ARHGAP15: variants seen among roughly 807,000 people sequenced by gnomAD.
ARHGAP15 encodes Rho GTPase activating protein 15.
A neutral mutation model predicts 63.7 loss-of-function variants in ARHGAP15; 51 were observed. The ratio of observed to expected loss-of-function variants is 0.80; its 90% CI spans 0.64 to 1.01. The LOEUF (loss-of-function observed/expected upper bound fraction) is 1.01, where lower values mean the gene tolerates loss of function less well. Ranked by LOEUF, ARHGAP15 falls within the 50% of genes least tolerant of loss-of-function variation. The probability of loss-of-function intolerance (pLI) is 0.00; values close to 1 mark genes in which losing one functional copy is unlikely to be tolerated. For missense variants in ARHGAP15, 560 were observed against 564.6 expected (o/e 0.99, Z 0.08); for synonymous variants, 191 against 193.8 (o/e 0.99, Z 0.12).
chr2:143,512,501 A>C (rs73964522), intron 9 of ARHGAP15, among the ~76,000 whole-genome samples: 12,611 of 152,218 alleles, frequency 0.083, 663 homozygotes, highest in South Asian at 0.11. Flanking sequence ...AAACCAATTG[A>C]TATCTACCAT....
chr2:143,276,239 A>G (rs1174845068), intron 6 of ARHGAP15, among the ~76,000 whole-genome samples: 1 of 152,198 alleles, frequency 6.6e-6, no homozygotes, highest in Non-Finnish European at 1.5e-5. Context: ...ACCCTTTACC[A>G]AACACTCTAG....
chr2:143,463,493 T>A (rs752453660), intron 8 of ARHGAP15, among the ~76,000 whole-genome samples: 2 of 137,728 alleles, frequency 1.5e-5, no homozygotes, highest in Admixed American at 8.4e-5. Flanking sequence ...TGAGCTGGGA[T>A]CATGCCATTG....
intron 8 of ARHGAP15, among the ~76,000 whole-genome samples, chr2:143,482,728 T>G (rs1692136577): frequency 6.6e-6 from 1 of 152,236 alleles, no homozygotes; most frequent in African/African-American, 2.4e-5. Context: ...TTACGGCTGT[T>G]TACAGGGTCC....
intron 6 of ARHGAP15, among the ~76,000 whole-genome samples, chr2:143,313,590 T>C (rs1683547563): frequency 6.6e-6 from 1 of 152,108 alleles, no homozygotes; most frequent in East Asian, 1.9e-4. Flanking sequence ...GGAGGGTAGG[T>C]TGGTGGAACA....
At chr2:143,509,676 CATTTTAA>C (rs1418482109) in intron 9 of ARHGAP15, among the ~76,000 whole-genome samples, 1 of 151,954 alleles carries the variant, frequency 6.6e-6, no homozygotes, top group Non-Finnish European at 1.5e-5. Flanking sequence ...ATGTCGTGAG[CATTTTAA>C]AGGAAAAGAA....
chr2:143,470,817 T>C (rs777769275), intron 8 of ARHGAP15, among the ~76,000 whole-genome samples: 15 of 150,096 alleles, frequency 1.0e-4, no homozygotes, highest in Non-Finnish European at 1.6e-4. Flanking sequence ...TATATCCTGC[T>C]CCAAACAGTT....
intron 11 of ARHGAP15, among the ~76,000 whole-genome samples, chr2:143,572,263 G>GC (rs1696491498): frequency 6.6e-6 from 1 of 152,048 alleles, no homozygotes; most frequent in African/African-American, 2.4e-5. Context: ...GATCTACCTG[G>GC]CTTAAAATCA....
At chr2:143,394,168 C>T (rs572400967) in intron 6 of ARHGAP15, among the ~76,000 whole-genome samples, 17 of 152,252 alleles carry the variant, frequency 1.1e-4, no homozygotes, top group Admixed American at 3.3e-4. Flanking sequence ...TCATCCAGTG[C>T]GACACACACT....
chr2:143,177,645 G>C (rs1162555877), intron 2 of ARHGAP15, among the ~76,000 whole-genome samples: 1 of 152,054 alleles, frequency 6.6e-6, no homozygotes, highest in Non-Finnish European at 1.5e-5. Flanking sequence ...ATCCTTTCAG[G>C]GGGTCCAAGA....
At chr2:143,714,888 G>A (rs1177594429) in intron 13 of ARHGAP15, among the ~76,000 whole-genome samples, 4 of 152,082 alleles carry the variant, frequency 2.6e-5, no homozygotes, top group African/African-American at 9.7e-5. Context: ...AAGTCTTTAG[G>A]AGGTTCCAAA....
chr2:143,537,633 G>A (rs1210162157), intron 10 of ARHGAP15, among the ~76,000 whole-genome samples: 2 of 152,150 alleles, frequency 1.3e-5, no homozygotes, highest in Non-Finnish European at 2.9e-5. Context: ...TATTAAATAG[G>A]GAATCCTTTC....
chr2:143,620,864 G>T (rs1698621040), intron 11 of ARHGAP15, among the ~76,000 whole-genome samples: 1 of 152,206 alleles, frequency 6.6e-6, no homozygotes, highest in Non-Finnish European at 1.5e-5. Context: ...TAGCCTGAAT[G>T]AGTTCATATG....
chr2:143,583,536 G>T (rs1030528446), intron 11 of ARHGAP15, among the ~76,000 whole-genome samples: 1 of 152,046 alleles, frequency 6.6e-6, no homozygotes, highest in Non-Finnish European at 1.5e-5. Flanking sequence ...AAATGGGGGG[G>T]GTGGAAGAGG....
intron 12 of ARHGAP15, among the ~76,000 whole-genome samples, chr2:143,643,427 A>ACCCCC (rs10540732): frequency 1.6e-3 from 210 of 128,200 alleles, no homozygotes; most frequent in East Asian, 3.5e-3. Context: ...CCCTCCACCC[A>ACCCCC]CCCCCCCCCA....
At chr2:143,702,597 A>G (rs1684139880) in intron 12 of ARHGAP15, among the ~76,000 whole-genome samples, 1 of 152,122 alleles carries the variant, frequency 6.6e-6, no homozygotes, top group African/African-American at 2.4e-5. Flanking sequence ...CACTCACACA[A>G]ACTTAAAACA....
chr2:143,218,965 G>A lies in ARHGAP15; in HGVS notation c.296+2520G>A, dbSNP rs114862569. Reference sequence around the variant, plus strand: ...ATAGGAATTTTTCAGCTTCATTACAGTCTCATAGGACTACTATCTATATGT... The same window carrying A: ...ATAGGAATTTTTCAGCTTCATTACAATCTCATAGGACTACTATCTATATGT... On this transcript the variant is annotated intron_variant, in intron 4 of 13. Transcript: ENST00000295095. Among the ~76,000 whole-genome samples the A allele has an allele frequency of 9.5e-3, 1,449 of 152,310 alleles. 31 individuals are homozygous for A. The highest frequency in any genetic ancestry group is 0.033 in the African/African-American group (1,375 of 41,572).
intron 2 of ARHGAP15, among the ~76,000 whole-genome samples, chr2:143,176,826 C>G (rs1691027083): frequency 6.6e-6 from 1 of 152,160 alleles, no homozygotes; most frequent in Non-Finnish European, 1.5e-5. Context: ...AGACAGTTCT[C>G]TCACATGATT....
intron 13 of ARHGAP15, among the ~76,000 whole-genome samples, chr2:143,729,572 T>A (rs936673569): frequency 3.3e-5 from 5 of 152,212 alleles, no homozygotes; most frequent in Non-Finnish European, 1.5e-5. Context: ...ACATATATTG[T>A]TCATCCCTGT....
At chr2:143,264,253 C>G (rs1680883932) in intron 6 of ARHGAP15, among the ~76,000 whole-genome samples, 1 of 152,006 alleles carries the variant, frequency 6.6e-6, no homozygotes, top group South Asian at 2.1e-4. Flanking sequence ...ATAGAGTTGT[C>G]TGATGTCATA....
Sources: allele counts gnomAD v4.1 joint callset (sites outside exome capture counted in the v4.1 genomes callset), GRCh38; gene constraint gnomAD v4.1.1; transcripts MANE v1.5; gene names NCBI Gene and HGNC (gene_info 2026-07-23, HGNC 2026-07-21).